The following NEK4 variants were observed in gnomAD, a reference collection of about 807,000 sequenced individuals.
NEK4 encodes the protein serine/threonine-protein kinase Nek4.
NEK4 carries 86 observed loss-of-function variants against 98.4 expected under a neutral mutation model. That is an observed-to-expected ratio of 0.87 (90% CI 0.73 to 1.05). NEK4 has a LOEUF of 1.05. Ranked by LOEUF, NEK4 falls within the 50% of genes least tolerant of loss-of-function variation. The pLI is 0.00. For missense variants in NEK4, 898 were observed against 950.3 expected (o/e 0.94, Z 0.72); for synonymous variants, 328 against 342.2 (o/e 0.96, Z 0.46).
chr3:52,739,395 T>A (rs975667750), intron 14 of NEK4, 34 bp downstream of exon 14: 12 of 1,584,346 alleles, frequency 7.6e-6, no homozygotes, highest in Middle Eastern at 3.3e-4. Flanking sequence ...TGAGACTCCG[T>A]CTAAAAAACA....
chr3:52,758,418 T>A (rs1456601177), intron 6 of NEK4, among the ~76,000 whole-genome samples: 2 of 151,986 alleles, frequency 1.3e-5, no homozygotes, highest in South Asian at 2.1e-4. Flanking sequence ...GTGTACTTTA[T>A]CATAATGAAA....
chr3:52,762,198 C>G (rs886595375), intron 5 of NEK4, among the ~76,000 whole-genome samples: 2 of 152,142 alleles, frequency 1.3e-5, no homozygotes, highest in Non-Finnish European at 2.9e-5. Context: ...GATCTGCAAG[C>G]CAAAGCAAGG....
chr3:52,768,003 C>A (rs759652918), intron 2 of NEK4, among the ~76,000 whole-genome samples: 1 of 152,178 alleles, frequency 6.6e-6, no homozygotes, highest in Admixed American at 6.5e-5. Context: ...GCCTAGCCAC[C>A]TTTCAGCATG....
intron 7 of NEK4, among the ~76,000 whole-genome samples, chr3:52,751,507 G>T (rs1465143565): frequency 1.3e-5 from 2 of 149,922 alleles, no homozygotes; most frequent in African/African-American, 4.9e-5. Context: ...TGTAATCCCA[G>T]CTACTCAGGA....
Position 52,768,452 on chromosome 3 carries a change from G to A in NEK4, c.246C>T (p.Val82=), listed in dbSNP as rs746281434. ...WEGGDGLLYI[V]MGFCEGGDLY... is the part of the protein sequence containing the mutation. ...AATCACCTCCTTCACAGAAGCCCAT[G>A]ACAATGTAGAGCAGACCATCTCCTC... Residue 82 remains valine, a synonymous_variant, in exon 2 of 16, where the codon GTC becomes GTT. Transcript: ENST00000233027. 1.9e-6 allele frequency: 3 copies of A among 1,614,040 alleles called. No homozygotes were observed. In the African/African-American group the frequency reaches 4.0e-5, roughly 22 times the overall value.
intron 6 of NEK4, chr3:52,754,832 G>T (rs547449195): frequency 5.0e-4 from 134 of 266,356 alleles, no homozygotes; most frequent in Non-Finnish European, 9.4e-4. Flanking sequence ...CTAGAACTTT[G>T]GGAGGCCAAG....
At chr3:52,725,772 A>G (rs2097363953) in intron 15 of NEK4, among the ~76,000 whole-genome samples, 1 of 152,160 alleles carries the variant, frequency 6.6e-6, no homozygotes, top group Non-Finnish European at 1.5e-5. Flanking sequence ...AAAAAAATCA[A>G]CTAAACACAA....
rs148188190 is a variant in NEK4 at position 52,742,915 on chromosome 3, G to A, written c.2004+437C>T. 1.6e-3 allele frequency among the ~76,000 whole-genome samples: 241 copies of A among 152,156 alleles called. 7 individuals are homozygous for A. The East Asian group carries it at 0.041, about 26-fold the overall frequency. ...AGTGATCCTTCCACCTCAGCCTCCC[G>A]AGTGGCTGGGACTACAGGTGTGCGC... On this transcript the variant is annotated intron_variant, in intron 12 of 15. Coordinates refer to ENST00000233027, the MANE Select transcript of NEK4 (RefSeq NM_003157.6).
At chr3:52,737,943 A>G (rs2097379131) in intron 14 of NEK4, among the ~76,000 whole-genome samples, 1 of 151,912 alleles carries the variant, frequency 6.6e-6, no homozygotes, top group East Asian at 1.9e-4. Flanking sequence ...CCTCCCGACT[A>G]TTTGGGACTA....
At chr3:52,755,602 T>G (rs946506677) in intron 6 of NEK4, among the ~76,000 whole-genome samples, 3 of 152,036 alleles carry the variant, frequency 2.0e-5, no homozygotes, top group Non-Finnish European at 4.4e-5. Context: ...GGTGAAAGAC[T>G]GAAAGCTTTT....
chr3:52,758,762 C>A (rs904187967), intron 6 of NEK4, among the ~76,000 whole-genome samples: 6 of 152,006 alleles, frequency 3.9e-5, no homozygotes, highest in African/African-American at 1.4e-4. Flanking sequence ...GAACACAGAT[C>A]GAGAACTCCT....
chr3:52,714,945 GA>G (rs2097353772), intron 15 of NEK4, among the ~76,000 whole-genome samples: 1 of 152,238 alleles, frequency 6.6e-6, no homozygotes, highest in African/African-American at 2.4e-5. Context: ...ACAAGCGCAG[GA>G]TGGGGAAAGT....
At chr3:52,733,597 C>G in intron 15 of NEK4, 2 of 510,880 alleles carry the variant, frequency 3.9e-6, no homozygotes, top group Non-Finnish European at 7.8e-6. Flanking sequence ...ACAGAGAAGC[C>G]TTACAAATGT....
rs899172807 is a variant in NEK4 at position 52,708,680 on chromosome 3, T to G, written c.*3097A>C. On this transcript the variant is annotated 3_prime_UTR_variant, in exon 16 of 16. Coordinates refer to ENST00000233027, the MANE Select transcript of NEK4 (RefSeq NM_003157.6). ...ATTTAATAGACAAGTGATTTTGTAT[T>G]TAACATTTCACCTTTATTGAATGCC... The G allele has an allele frequency of 1.3e-5, 2 of 152,190 alleles. No homozygotes were observed. The highest frequency in any genetic ancestry group is 2.9e-5 in the Non-Finnish European group (2 of 68,038). 9.4% of individuals were successfully genotyped at this position (152,190 alleles called of 1,614,324 possible). A position where few individuals can be genotyped will look rare whatever the true frequency, so the allele number is the denominator to read the frequency against.
rs753771680 is a variant in NEK4 at position 52,737,693 on chromosome 3, T to G, written c.2326A>C (p.Arg776=). 3.7e-6 allele frequency: 6 copies of G among 1,613,670 alleles called. No individual in the cohort carries two copies. In the Admixed American group the frequency reaches 1.0e-4, roughly 27 times the overall value. Residue 776 remains arginine, a synonymous_variant, in exon 15 of 16, where the codon AGG becomes CGG. Coordinates refer to ENST00000233027, the MANE Select transcript of NEK4 (RefSeq NM_003157.6). ...GTTCTCAAGACTTCAACTAGTCTCCTGATCTTTTCAGAACCTGGCATAATA... is the reference window on the plus strand; with the variant it reads ...GTTCTCAAGACTTCAACTAGTCTCCGGATCTTTTCAGAACCTGGCATAATA... The part of the protein sequence containing the change: ...SAIMPGSEKI[R]RLVEVLRTDV...
intron 13 of NEK4, among the ~76,000 whole-genome samples, chr3:52,741,161 G>A (rs1242634972): frequency 2.6e-5 from 4 of 151,120 alleles, no homozygotes; most frequent in Non-Finnish European, 5.9e-5. Flanking sequence ...GTGTGAACCC[G>A]GGAGGCGGAG....
chr3:52,758,588 A>T (rs1218968509), intron 6 of NEK4, among the ~76,000 whole-genome samples: 1 of 152,120 alleles, frequency 6.6e-6, no homozygotes, highest in East Asian at 1.9e-4. Context: ...GACTTCATCA[A>T]AATTAGAAGC....
chr3:52,760,923 T>A lies in NEK4; in HGVS notation c.835A>T (p.Asn279Tyr). 1.3e-6 allele frequency: 2 copies of A among 1,579,080 alleles called. No individual in the cohort carries two copies. Among genetic ancestry groups the A allele is most frequent in the South Asian group, 1.1e-5 (1 of 87,144 alleles). The change falls in exon 6 of 16, where the codon AAT (asparagine) becomes TAT (tyrosine). Residue 279 changes from asparagine to tyrosine, a missense_variant. Transcript: ENST00000233027. ...TGAGAGTCACCATTTTTAATGTTATTTTTGGAGGTTTTTCTTTATAAAGAA... is the reference window on the plus strand; with the variant it reads ...TGAGAGTCACCATTTTTAATGTTATATTTGGAGGTTTTTCTTTATAAAGAA... Reference protein sequence around the residue: ...LEATKIKTSKNNIKNGDSQSK... With the variant: ...LEATKIKTSKYNIKNGDSQSK...
intron 4 of NEK4, among the ~76,000 whole-genome samples, chr3:52,764,021 ACGCCTG>A (rs1698455771): frequency 1.3e-5 from 2 of 152,374 alleles, no homozygotes; most frequent in South Asian, 4.1e-4. Flanking sequence ...GCAGTGGCTT[ACGCCTG>A]TAATCCCAGC....
Sources: allele counts gnomAD v4.1 joint callset (sites outside exome capture counted in the v4.1 genomes callset), GRCh38; gene constraint gnomAD v4.1.1; transcripts MANE v1.5; gene names NCBI Gene and HGNC (gene_info 2026-07-23, HGNC 2026-07-21).